The following ADAMTSL3 variants were observed in gnomAD, a reference collection of about 807,000 sequenced individuals.
The protein encoded by ADAMTSL3 is ADAMTS-like protein 3.
A neutral mutation model predicts 201.7 loss-of-function variants in ADAMTSL3; 128 were observed. The ratio of observed to expected loss-of-function variants is 0.63; its 90% CI spans 0.55 to 0.73. The LOEUF (loss-of-function observed/expected upper bound fraction) is 0.73, where lower values mean the gene tolerates loss of function less well. Among genes scored for constraint, ADAMTSL3 ranks in the 30% least tolerant of loss-of-function variants. The pLI, the probability that ADAMTSL3 is intolerant of heterozygous loss-of-function variation, is 0.00. For missense variants in ADAMTSL3, 1,990 were observed against 2,119.6 expected (o/e 0.94, Z 1.20); for synonymous variants, 738 against 748.4 (o/e 0.99, Z 0.23).
chr15:83,937,551 A>G (rs1021230730), intron 17 of ADAMTSL3, among the ~76,000 whole-genome samples: 1 of 150,752 alleles, frequency 6.6e-6, no homozygotes, highest in South Asian at 2.1e-4. Context: ...AAAAGTACCT[A>G]CCAGGTACTA....
chr15:83,830,583 GT>G (rs2064135561), intron 6 of ADAMTSL3, among the ~76,000 whole-genome samples: 1 of 152,244 alleles, frequency 6.6e-6, no homozygotes, highest in African/African-American at 2.4e-5. Context: ...TCAGTGTGGT[GT>G]TGGAGTAGGC....
chr15:83,956,316 T>G (rs751858798), intron 19 of ADAMTSL3, among the ~76,000 whole-genome samples: 1 of 152,236 alleles, frequency 6.6e-6, no homozygotes, highest in African/African-American at 2.4e-5. Flanking sequence ...GTTGGTGATT[T>G]AAGGCCATCT....
intron 3 of ADAMTSL3, among the ~76,000 whole-genome samples, chr15:83,748,979 G>C (rs1232170438): frequency 6.6e-6 from 1 of 152,170 alleles, no homozygotes; most frequent in Non-Finnish European, 1.5e-5. Flanking sequence ...TCTTGGGATT[G>C]ACACTCATGG....
Position 83,944,158 on chromosome 15 carries a change from A to G in ADAMTSL3, c.2490+1076A>G, listed in dbSNP as rs112561003. Reference sequence around the variant, plus strand: ...GTTCTATTTAATATTTTTGGACCACAGTTAACTGTGGAAAGCGAAACCGTG... The same window carrying G: ...GTTCTATTTAATATTTTTGGACCACGGTTAACTGTGGAAAGCGAAACCGTG... On this transcript the variant is annotated intron_variant, in intron 19 of 29. Coordinates refer to ENST00000286744, the MANE Select transcript of ADAMTSL3 (RefSeq NM_207517.3). Among the ~76,000 whole-genome samples, 550 of 152,304 alleles carry G rather than the reference A, an allele frequency of 3.6e-3. 9 individuals carry two copies. The highest frequency in any genetic ancestry group is 0.013 in the African/African-American group (521 of 41,572).
At chr15:83,688,550 A>G (rs1339548135) in intron 2 of ADAMTSL3, among the ~76,000 whole-genome samples, 1 of 152,064 alleles carries the variant, frequency 6.6e-6, no homozygotes, top group Non-Finnish European at 1.5e-5. Context: ...TCTAGAAAAT[A>G]GTGAAATTAT....
At chr15:83,792,422 T>C (rs1032618503) in intron 4 of ADAMTSL3, among the ~76,000 whole-genome samples, 3 of 152,170 alleles carry the variant, frequency 2.0e-5, no homozygotes, top group African/African-American at 7.2e-5. Flanking sequence ...AAGGGAACCC[T>C]TGCACCCTGT....
At chr15:83,805,253 T>G (rs1389288246) in intron 5 of ADAMTSL3, among the ~76,000 whole-genome samples, 1 of 152,162 alleles carries the variant, frequency 6.6e-6, no homozygotes, top group Non-Finnish European at 1.5e-5. Context: ...TTCAAATATC[T>G]TGCTTTAGAA....
chr15:84,023,096 G>A (rs919844493), intron 26 of ADAMTSL3, among the ~76,000 whole-genome samples: 2 of 152,064 alleles, frequency 1.3e-5, no homozygotes, highest in African/African-American at 4.8e-5. Flanking sequence ...AATTCTATGG[G>A]GAGTAAATCC....
chr15:83,672,262 C>T (rs2061338528), intron 2 of ADAMTSL3, among the ~76,000 whole-genome samples: 1 of 152,068 alleles, frequency 6.6e-6, no homozygotes, highest in Non-Finnish European at 1.5e-5. Context: ...AAAAGAGTGA[C>T]CCATATATGT....
intron 3 of ADAMTSL3, among the ~76,000 whole-genome samples, chr15:83,710,533 C>T (rs1404149795): frequency 6.6e-6 from 1 of 152,052 alleles, no homozygotes; most frequent in Non-Finnish European, 1.5e-5. Context: ...CTTCAAGTCA[C>T]ACCTATATTC....
In ADAMTSL3 at chr15:83,849,573, A is replaced by G. The variant is rs1287806960; in HGVS notation, c.728-9193A>G. Among the ~76,000 whole-genome samples, 3 of 152,178 alleles carry G rather than the reference A, an allele frequency of 2.0e-5. No homozygotes were observed. The East Asian group carries it at 5.8e-4, about 29-fold the overall frequency. Reference sequence around the variant, plus strand: ...GCAGTCTATACTGAGCTTGTGCTGAACCACAAGCAGCAGTCTGCTCTTTCT... The same window carrying G: ...GCAGTCTATACTGAGCTTGTGCTGAGCCACAAGCAGCAGTCTGCTCTTTCT... On this transcript the variant is annotated intron_variant, in intron 7 of 29. Coordinates refer to ENST00000286744, the MANE Select transcript of ADAMTSL3 (RefSeq NM_207517.3).
chr15:84,024,548 T>A (rs1007576282), intron 26 of ADAMTSL3, among the ~76,000 whole-genome samples: 2 of 152,358 alleles, frequency 1.3e-5, no homozygotes, highest in African/African-American at 4.8e-5. Context: ...CATCCAAGTA[T>A]GTGGTTTCCT....
chr15:83,929,143 C>T (rs147403039), intron 17 of ADAMTSL3, among the ~76,000 whole-genome samples: 386 of 152,302 alleles, frequency 2.5e-3, no homozygotes, highest in African/African-American at 9.1e-3. Flanking sequence ...ATGAAACCTT[C>T]AACAACACTC....
At chr15:83,752,433 G>A (rs1048591006) in intron 3 of ADAMTSL3, among the ~76,000 whole-genome samples, 3 of 152,110 alleles carry the variant, frequency 2.0e-5, no homozygotes, top group African/African-American at 7.2e-5. Context: ...TTAATTTAAT[G>A]TGTAGTTCTA....
At chr15:83,969,059 G>A (rs866985242) in intron 19 of ADAMTSL3, among the ~76,000 whole-genome samples, 1 of 152,102 alleles carries the variant, frequency 6.6e-6, no homozygotes, top group Admixed American at 6.6e-5. Flanking sequence ...TGTAGATGAC[G>A]GGTTGATGGG....
rs932715830 is a variant in ADAMTSL3 at position 83,803,192 on chromosome 15, T to C, written c.318-1458T>C. On this transcript the variant is annotated intron_variant, in intron 4 of 29. Transcript: ENST00000286744. ...ATTAAATGACAAAAGAATAAAGTTA[T>C]TGGTGATAGGATTTTGAGTGACTAC... is the stretch of plus-strand genomic sequence containing the variant. 5.3e-5 allele frequency among the ~76,000 whole-genome samples: 8 copies of C among 152,158 alleles called. No individual in the cohort carries two copies. In the East Asian group the frequency reaches 9.6e-4, roughly 18 times the overall value.
At chr15:83,981,816 C>G (rs932675015) in intron 20 of ADAMTSL3, among the ~76,000 whole-genome samples, 12 of 152,238 alleles carry the variant, frequency 7.9e-5, no homozygotes, top group Non-Finnish European at 1.3e-4. Flanking sequence ...ACCCATGGCT[C>G]TAAGCCAGAG....
intron 20 of ADAMTSL3, among the ~76,000 whole-genome samples, chr15:83,980,698 A>G (rs1175765627): frequency 6.6e-6 from 1 of 152,136 alleles, no homozygotes; most frequent in Non-Finnish European, 1.5e-5. Flanking sequence ...ATCTGTATGG[A>G]ATTTGTATAC....
At chr15:83,941,166 A>G (rs1225040989) in intron 17 of ADAMTSL3, among the ~76,000 whole-genome samples, 2 of 151,924 alleles carry the variant, frequency 1.3e-5, no homozygotes, top group Admixed American at 6.6e-5. Flanking sequence ...TTGTATGATT[A>G]TATCTTCATT....
Sources: gnomAD v4.1 joint callset for allele counts (sites outside exome capture counted in the v4.1 genomes callset) on GRCh38, gnomAD v4.1.1 for gene constraint, MANE v1.5 for transcripts, NCBI Gene and HGNC (gene_info 2026-07-23, HGNC 2026-07-21) for gene names.